GPATCH2: variants seen among roughly 807,000 people sequenced by gnomAD.
GPATCH2 encodes G patch domain-containing protein 2.
A neutral mutation model predicts 58.0 loss-of-function variants in GPATCH2; 51 were observed. The ratio of observed to expected loss-of-function variants is 0.88; its 90% CI spans 0.70 to 1.11. The LOEUF (loss-of-function observed/expected upper bound fraction) is 1.11. GPATCH2 is among the 50% of genes most tolerant of loss of function. The probability of loss-of-function intolerance (pLI) is 0.00; values close to 1 mark genes in which losing one functional copy is unlikely to be tolerated. For synonymous variants in GPATCH2, 222 were observed against 218.5 expected (o/e 1.02, Z -0.14); for missense variants, 625 against 652.2 (o/e 0.96, Z 0.45).
intron 8 of GPATCH2, among the ~76,000 whole-genome samples, chr1:217,466,015 T>C (rs931356333): frequency 2.6e-5 from 4 of 152,040 alleles, no homozygotes; most frequent in Non-Finnish European, 5.9e-5. Flanking sequence ...ATATTTAAGA[T>C]AGTTAGGAGA....
intron 8 of GPATCH2, among the ~76,000 whole-genome samples, chr1:217,481,249 A>G (rs1394572273): frequency 1.3e-5 from 2 of 152,230 alleles, no homozygotes; most frequent in African/African-American, 4.8e-5. Flanking sequence ...GCCTGTATCA[A>G]AACATCTCAT....
chr1:217,503,773 T>G (rs1311222773), intron 6 of GPATCH2, among the ~76,000 whole-genome samples: 3 of 152,012 alleles, frequency 2.0e-5, no homozygotes, highest in Non-Finnish European at 4.4e-5. Context: ...AGCAGTCAGA[T>G]GAAGAACGTT....
rs1279043430 is a variant in GPATCH2, at chr1:217,449,313, G to A, written c.1302C>T (p.Ser434=). The A allele has an allele frequency of 1.9e-6, 3 of 1,604,576 alleles. No homozygotes were observed. The highest frequency in any genetic ancestry group is 1.7e-6 in the Non-Finnish European group (2 of 1,171,412). The change falls in exon 9 of 10, where the codon TCC becomes TCT. Residue 434 remains serine (S), a synonymous_variant. Coordinates refer to ENST00000366935, the MANE Select transcript of GPATCH2 (RefSeq NM_018040.5). ...ASRQTSMHLG[S]LCTGDIKRRR... is the part of the protein sequence containing the mutation. ...TCCGTTTGATATCTCCCGTGCATAAGGATCCTAAATGCATGCTTGTTTGCC... is the reference window on the plus strand; with the variant it reads ...TCCGTTTGATATCTCCCGTGCATAAAGATCCTAAATGCATGCTTGTTTGCC...
At chr1:217,520,082 T>C (rs570677332) in intron 5 of GPATCH2, among the ~76,000 whole-genome samples, 1 of 152,318 alleles carries the variant, frequency 6.6e-6, no homozygotes, top group South Asian at 2.1e-4. Context: ...AATGTGTTTA[T>C]ATGGCAGGCC....
intron 5 of GPATCH2, among the ~76,000 whole-genome samples, chr1:217,583,177 A>C (rs1667156996): frequency 2.6e-5 from 4 of 152,222 alleles, no homozygotes; most frequent in Non-Finnish European, 5.9e-5. Context: ...ATTACCTGTA[A>C]TGTGGCACAC....
intron 8 of GPATCH2, among the ~76,000 whole-genome samples, chr1:217,479,676 G>T (rs1452915377): frequency 6.6e-6 from 1 of 152,072 alleles, no homozygotes; most frequent in Non-Finnish European, 1.5e-5. Flanking sequence ...TAATAAAACT[G>T]AATGTAAATG....
chr1:217,627,858 T>C (rs533149273), intron 1 of GPATCH2, among the ~76,000 whole-genome samples: 1 of 152,222 alleles, frequency 6.6e-6, no homozygotes, highest in Non-Finnish European at 1.5e-5. Context: ...TTTCCTTACA[T>C]TCTAATTGCT....
intron 5 of GPATCH2, among the ~76,000 whole-genome samples, chr1:217,538,151 G>A (rs1025591404): frequency 1.3e-5 from 2 of 152,134 alleles, no homozygotes; most frequent in Non-Finnish European, 2.9e-5. Context: ...AATTTTACAA[G>A]AGAAATATTC....
chr1:217,520,960 T>A (rs1054161364), intron 5 of GPATCH2, among the ~76,000 whole-genome samples: 5 of 152,212 alleles, frequency 3.3e-5, no homozygotes, highest in African/African-American at 4.8e-5. Flanking sequence ...TTCCCCTGCC[T>A]CTGCTGCTGG....
At chr1:217,468,939 C>A (rs529153723) in intron 8 of GPATCH2, among the ~76,000 whole-genome samples, 13 of 152,192 alleles carry the variant, frequency 8.5e-5, no homozygotes, top group African/African-American at 2.6e-4. Context: ...AAATTGCTTT[C>A]ATCATCCTGA....
intron 5 of GPATCH2, among the ~76,000 whole-genome samples, chr1:217,578,570 C>T (rs1014351313): frequency 1.3e-5 from 2 of 152,186 alleles, no homozygotes; most frequent in Non-Finnish European, 2.9e-5. Context: ...GATGAGTTCA[C>T]TAAGTCCTGG....
At chr1:217,472,651 C>A (rs1660781861) in intron 8 of GPATCH2, among the ~76,000 whole-genome samples, 1 of 152,042 alleles carries the variant, frequency 6.6e-6, no homozygotes, top group Admixed American at 6.5e-5. Flanking sequence ...TGGTGCTAAC[C>A]AAAGGTTTCT....
Position 217,611,090 on chromosome 1 carries a change from C to CT in GPATCH2, c.836-20_836-19insA, listed in dbSNP as rs746303034. On this transcript the variant is annotated intron_variant, in intron 3 of 9. Transcript: ENST00000366935. ...TCATCACCTGTGCAAATACAAGAAA[C>CT]CCCCCCCCACCAAAGACTCAGTTTT... 1.4e-6 allele frequency: 2 copies of CT among 1,390,026 alleles called. No individual in the cohort carries two copies. Among genetic ancestry groups the CT allele is most frequent in the South Asian group, 1.4e-5 (1 of 73,928 alleles). The allele number at this position is 1,390,026 out of a possible 1,614,324, so 86.1% of individuals were successfully genotyped here. A position where few individuals can be genotyped will look rare whatever the true frequency, so the allele number is the denominator to read the frequency against.
At chr1:217,441,747 A>G (rs949685281) in intron 9 of GPATCH2, among the ~76,000 whole-genome samples, 1 of 152,222 alleles carries the variant, frequency 6.6e-6, no homozygotes, top group African/African-American at 2.4e-5. Flanking sequence ...AAAAAAGCTC[A>G]TCATCACTGG....
intron 5 of GPATCH2, among the ~76,000 whole-genome samples, chr1:217,568,033 T>C (rs1022831476): frequency 4.0e-5 from 6 of 151,886 alleles, no homozygotes; most frequent in South Asian, 2.1e-4. Context: ...AGGAGAATGG[T>C]GTGAACCCAG....
chr1:217,549,196 C>T (rs567120416), intron 5 of GPATCH2, among the ~76,000 whole-genome samples: 2 of 152,274 alleles, frequency 1.3e-5, no homozygotes, highest in East Asian at 1.9e-4. Context: ...TTACTGAGAA[C>T]ATATTATGGG....
chr1:217,584,344 A>AATATATATATATATATATATAT (rs71556690), intron 5 of GPATCH2, among the ~76,000 whole-genome samples: 2 of 101,834 alleles, frequency 2.0e-5, no homozygotes, highest in Non-Finnish European at 2.0e-5. Context: ...AAAAAAAAAA[A>AATATATATATATATATATATAT]ATATATATAT....
chr1:217,450,733 A>G (rs896407574), intron 8 of GPATCH2, among the ~76,000 whole-genome samples: 7 of 152,136 alleles, frequency 4.6e-5, no homozygotes, highest in Non-Finnish European at 1.0e-4. Flanking sequence ...GCTCTCCAAA[A>G]GTTCATTAAC....
intron 8 of GPATCH2, among the ~76,000 whole-genome samples, chr1:217,457,301 G>A (rs1337360234): frequency 1.3e-5 from 2 of 152,206 alleles, no homozygotes; most frequent in African/African-American, 4.8e-5. Flanking sequence ...ATCAATGTTT[G>A]AGAAGGCTTT....
Sources: gnomAD v4.1 joint callset for allele counts (sites outside exome capture counted in the v4.1 genomes callset) on GRCh38, gnomAD v4.1.1 for gene constraint, MANE v1.5 for transcripts, NCBI Gene and HGNC (gene_info 2026-07-23, HGNC 2026-07-21) for gene names.